NEK9: variants seen among roughly 807,000 people sequenced by gnomAD.
The protein encoded by NEK9 is serine/threonine-protein kinase Nek9.
Under a neutral mutation model 123.4 loss-of-function variants are expected in NEK9, and 75 were observed. That is an observed-to-expected ratio of 0.61 (90% CI 0.50 to 0.74). The LOEUF is 0.74. Among genes scored for constraint, NEK9 ranks in the 30% least tolerant of loss-of-function variants. NEK9 has a pLI of 0.00. For synonymous variants in NEK9, 438 were observed against 458.7 expected (o/e 0.95, Z 0.58); for missense variants, 952 against 1,214.4 (o/e 0.78, Z 3.21).
At chr14:75,123,731 C>G (rs1027029244) in intron 2 of NEK9, among the ~76,000 whole-genome samples, 1 of 152,078 alleles carries the variant, frequency 6.6e-6, no homozygotes, top group Non-Finnish European at 1.5e-5. Context: ...TGCTGCCAAG[C>G]CACACTCTGG....
In NEK9 at chr14:75,109,793, G is replaced by T. The variant is rs370991024; in HGVS notation, c.1074C>A (p.Thr358=). The change falls in exon 10 of 22, where the codon ACC becomes ACA. Residue 358 remains threonine, a synonymous_variant. Transcript: ENST00000238616. ...EVYVWGGGKS[T]PQKLDVIKSG... Reference sequence around the variant, plus strand: ...TCTTGATAACATCCAGTTTCTGGGGGGTGGATTTTCCACCACCCCAAACAT... The same window carrying T: ...TCTTGATAACATCCAGTTTCTGGGGTGTGGATTTTCCACCACCCCAAACAT... 2.7e-5 allele frequency: 43 copies of T among 1,613,906 alleles called. No homozygotes were observed. Among genetic ancestry groups the T allele is most frequent in the Non-Finnish European group, 3.6e-5 (42 of 1,179,992 alleles).
Position 75,084,492 on chromosome 14 carries a change from C to G in NEK9, c.*72G>C. ...AGTGAACAAAGCCAGGAAAGCTGCTCTCTGCATTCGGTAAGTGTGCTGTGA... is the reference window on the plus strand; with the variant it reads ...AGTGAACAAAGCCAGGAAAGCTGCTGTCTGCATTCGGTAAGTGTGCTGTGA... On this transcript the variant is annotated 3_prime_UTR_variant, in exon 22 of 22. Coordinates refer to ENST00000238616, the MANE Select transcript of NEK9 (RefSeq NM_033116.6). 1 of 1,576,968 alleles carries G rather than the reference C, an allele frequency of 6.3e-7. No individual in the cohort carries two copies.
rs148461178 is a variant in NEK9 at position 75,097,167 on chromosome 14, A to C, written c.2106T>G (p.Pro702=). 4 of 1,613,820 alleles carry C rather than the reference A, an allele frequency of 2.5e-6. No homozygotes were observed. In the African/African-American group the frequency reaches 5.3e-5, roughly 22 times the overall value. ...GSDICTSWPR[P]IFGSLHHVPD... ...GGACATGATGCAGAGATCCAAAAAT[A>C]GGCCGAGGCCATGAGGTACAGATAT... The change falls in exon 17 of 22, where the codon CCT becomes CCG. Residue 702 remains proline, a synonymous_variant. Transcript: ENST00000238616.
At chr14:75,101,219 C>A in intron 15 of NEK9, 66 bp from the exon 16 acceptor site, 1 of 1,495,810 alleles carries the variant, frequency 6.7e-7, no homozygotes, top group Non-Finnish European at 9.0e-7. Flanking sequence ...AAGATGCAGC[C>A]AAGCAGACTT....
At chr14:75,093,977 T>C (rs778416024) in intron 18 of NEK9, among the ~76,000 whole-genome samples, 4 of 152,234 alleles carry the variant, frequency 2.6e-5, no homozygotes, top group Non-Finnish European at 5.9e-5. Context: ...ATCCCTGCTC[T>C]TCCTCGAGTT....
At position 75,120,583 on chromosome 14, in the gene NEK9, G is replaced by A. The variant is rs776284449; in HGVS notation, c.454-3C>T. On this transcript the variant is annotated splice_polypyrimidine_tract_variant and splice_region_variant and intron_variant, in intron 3 of 21. Transcript: ENST00000238616. Reference sequence around the variant, plus strand: ...TGAAATAGGTACCACACCACCATCTGCAGAGAAAAAATAAATATTTGGATT... The same window carrying A: ...TGAAATAGGTACCACACCACCATCTACAGAGAAAAAATAAATATTTGGATT... 8 of 1,607,328 alleles carry A rather than the reference G, an allele frequency of 5.0e-6. No homozygotes were observed. The highest frequency in any genetic ancestry group is 6.8e-6 in the Non-Finnish European group (8 of 1,175,310).
At chr14:75,113,446 G>A in intron 7 of NEK9, 43 bp from the exon 8 acceptor site, 1 of 1,421,450 alleles carries the variant, frequency 7.0e-7, no homozygotes, top group Non-Finnish European at 9.9e-7. Flanking sequence ...AATGGAAATG[G>A]GCGACATCGG....
In NEK9 at chr14:75,121,148, G is replaced by A. The variant is rs779797904; in HGVS notation, c.424C>T (p.Arg142Cys). ...NGGNLYDKIL[R>C]QKDKLFEEEM... ...TCCTCAAACAACTTGTCCTTCTGACGAAGGATTTTGTCATACAGGTTCCCT... is the reference window on the plus strand; with the variant it reads ...TCCTCAAACAACTTGTCCTTCTGACAAAGGATTTTGTCATACAGGTTCCCT... Residue 142 changes from arginine (R) to cysteine (C), a missense_variant, in exon 3 of 22, where the codon CGT becomes TGT. This residue lies in a region of NEK9 where 106 missense variants were observed against 153.0 expected (regional missense o/e 0.69). Transcript: ENST00000238616. 2 of 1,613,390 alleles carry A rather than the reference G, an allele frequency of 1.2e-6. No homozygotes were observed. The highest frequency in any genetic ancestry group is 1.7e-5 in the Admixed American group (1 of 60,022).
intron 2 of NEK9, among the ~76,000 whole-genome samples, chr14:75,122,376 A>C (rs1478286065): frequency 6.6e-6 from 1 of 152,228 alleles, no homozygotes. Context: ...TTTAGCATGC[A>C]GTTCAGAAAA....
At chr14:75,096,966 C>T in intron 17 of NEK9, 134 bp downstream of exon 17, 1 of 683,884 alleles carries the variant, frequency 1.5e-6, no homozygotes, top group Non-Finnish European at 2.3e-6. Flanking sequence ...GGCATGGCAT[C>T]CTTGACCATT....
intron 10 of NEK9, among the ~76,000 whole-genome samples, chr14:75,108,177 C>T (rs558746265): frequency 9.0e-4 from 136 of 150,734 alleles, no homozygotes; most frequent in African/African-American, 1.7e-3. Context: ...CAGGCTGGAG[C>T]GCAGTGGCTC....
intron 2 of NEK9, among the ~76,000 whole-genome samples, chr14:75,122,715 AG>A (rs1396057716): frequency 2.7e-5 from 4 of 150,634 alleles, no homozygotes; most frequent in South Asian, 2.1e-4. Flanking sequence ...CATGTTGGCC[AG>A]GATGGTCTCG....
chr14:75,110,513 C>A, intron 8 of NEK9, 142 bp from the exon 9 acceptor site: 2 of 624,262 alleles, frequency 3.2e-6, no homozygotes, highest in East Asian at 5.5e-5. Context: ...AGCAAAGTAC[C>A]TCAATACAAC....
chr14:75,085,696 G>A (rs1893998963), intron 21 of NEK9, among the ~76,000 whole-genome samples: 1 of 152,154 alleles, frequency 6.6e-6, no homozygotes, highest in South Asian at 2.1e-4. Context: ...AACTGCCCTG[G>A]TTTCTTCAAC....
At chr14:75,120,971 G>T (rs1443741837) in intron 3 of NEK9, 148 bp downstream of exon 3, 1 of 730,548 alleles carries the variant, frequency 1.4e-6, no homozygotes, top group Admixed American at 2.0e-5. Flanking sequence ...CTTGTTAGAG[G>T]TTTCCTTTCT....
chr14:75,104,074 A>G (rs1894683639), intron 13 of NEK9, 77 bp from the exon 14 acceptor site: 1 of 1,413,796 alleles, frequency 7.1e-7, no homozygotes, highest in Non-Finnish European at 9.6e-7. Flanking sequence ...ATTCTTTCAA[A>G]AGAGACATGC....
chr14:75,091,420 GTCC>G lies in NEK9; in HGVS notation c.2289_2291del (p.Glu763del). 1 of 1,612,772 alleles carries G rather than the reference GTCC, an allele frequency of 6.2e-7. No homozygotes were observed. The highest frequency in any genetic ancestry group is 8.5e-7 in the Non-Finnish European group (1 of 1,179,626). On this transcript the variant is annotated inframe_deletion, in exon 19 of 22. Coordinates refer to ENST00000238616, the MANE Select transcript of NEK9 (RefSeq NM_033116.6). ...CAGGAGTTTCAGATTCCTGCTGACT[GTCC>G]TCTTCTTCACCACCGCCGCCCCCGC... is the stretch of plus-strand genomic sequence containing the variant.
At chr14:75,111,706 C>T (rs922970300) in intron 8 of NEK9, among the ~76,000 whole-genome samples, 3 of 152,096 alleles carry the variant, frequency 2.0e-5, no homozygotes, top group Non-Finnish European at 2.9e-5. Flanking sequence ...GCCTGGCCAA[C>T]GTAGTAAAAC....
intron 19 of NEK9, among the ~76,000 whole-genome samples, chr14:75,089,247 G>A (rs908784626): frequency 1.3e-5 from 2 of 151,214 alleles, no homozygotes; most frequent in African/African-American, 4.9e-5. Context: ...TTATTTTTTT[G>A]AGACAGAATC....
Sources: allele counts gnomAD v4.1 joint callset (sites outside exome capture counted in the v4.1 genomes callset), GRCh38; gene constraint gnomAD v4.1.1; regional missense constraint gnomAD v4.1.1; transcripts MANE v1.5; gene names NCBI Gene and HGNC (gene_info 2026-07-23, HGNC 2026-07-21).